The following HECTD4 variants were observed in gnomAD, a reference collection of about 807,000 sequenced individuals.
HECTD4 encodes the protein HECT domain E3 ubiquitin protein ligase 4, also known as probable E3 ubiquitin-protein ligase HECTD4.
HECTD4 carries 114 observed loss-of-function variants against 471.5 expected under a neutral mutation model. That is an observed-to-expected ratio of 0.24 (90% CI 0.21 to 0.28). The LOEUF (loss-of-function observed/expected upper bound fraction) is 0.28, where lower values mean the gene tolerates loss of function less well. Ranked by LOEUF, HECTD4 falls within the 10% of genes least tolerant of loss-of-function variation. The probability of loss-of-function intolerance (pLI) is 1.00; values close to 1 mark genes in which losing one functional copy is unlikely to be tolerated. For synonymous variants in HECTD4, 2,012 were observed against 2,256.0 expected, an observed-to-expected ratio of 0.89 and a Z score of 3.07; for missense variants, 3,866 against 5,651.5, an observed-to-expected ratio of 0.68 and a Z score of 10.13.
chr12:112,270,045 A>G (rs2034380148), intron 12 of HECTD4, among the ~76,000 whole-genome samples, 182 bp downstream of exon 12: 1 of 152,258 alleles, frequency 6.6e-6, no homozygotes, highest in African/African-American at 2.4e-5. Flanking sequence ...CGCTATGTAT[A>G]GCAATACTCC....
chr12:112,298,120 A>G (rs904908832), intron 7 of HECTD4, among the ~76,000 whole-genome samples: 23 of 152,172 alleles, frequency 1.5e-4, no homozygotes, highest in Admixed American at 4.6e-4. Context: ...ATGGAAGGAG[A>G]GGAGGCAAAG....
chr12:112,351,587 T>C (rs957720675), intron 1 of HECTD4, among the ~76,000 whole-genome samples: 1 of 152,216 alleles, frequency 6.6e-6, no homozygotes, highest in African/African-American at 2.4e-5. Context: ...CTATTCATAG[T>C]GGCTAAATAA....
At chr12:112,368,939 C>A (rs916670579) in intron 1 of HECTD4, among the ~76,000 whole-genome samples, 1 of 152,256 alleles carries the variant, frequency 6.6e-6, no homozygotes, top group Admixed American at 6.5e-5. Context: ...GGCTCTAAGT[C>A]CAAATAATCT....
chr12:112,174,913 G>A (rs2031378261), intron 66 of HECTD4, among the ~76,000 whole-genome samples: 1 of 152,188 alleles, frequency 6.6e-6, no homozygotes, highest in Non-Finnish European at 1.5e-5. Flanking sequence ...AGGGGCGTGT[G>A]TGTGTGTATG....
chr12:112,212,588 C>G lies in HECTD4; in HGVS notation c.7528G>C (p.Ala2510Pro), dbSNP rs1245935880. 1.2e-6 allele frequency: 2 copies of G among 1,613,926 alleles called. No homozygotes were observed. Among genetic ancestry groups the G allele is most frequent in the East Asian group, 4.5e-5 (2 of 44,880 alleles). The change falls in exon 49 of 76, where the codon GCC becomes CCC. Residue 2510 changes from alanine to proline, a missense_variant. Ala to Pro is a conservative substitution (Grantham distance 27). This residue lies in a region of HECTD4 where 617 missense variants were observed against 915.1 expected (regional missense o/e 0.67). Coordinates refer to ENST00000682272, the MANE Select transcript of HECTD4 (RefSeq NM_001388303.1). Reference sequence around the variant, plus strand: ...TATGTGAAGTACACCCGGCCCTTGGCTGGCTGTCCCGGAGGAGGTGGAGTC... The same window carrying G: ...TATGTGAAGTACACCCGGCCCTTGGGTGGCTGTCCCGGAGGAGGTGGAGTC... ...EGTPPPPGQP[A>P]KGRVYFTYCG...
chr12:112,321,058 G>A (rs1377706852), intron 1 of HECTD4, among the ~76,000 whole-genome samples: 1 of 152,042 alleles, frequency 6.6e-6, no homozygotes, highest in Non-Finnish European at 1.5e-5. Context: ...TGGCCAGGCT[G>A]GTCTTGAACT....
At chr12:112,198,121 C>T (rs1050931738) in intron 55 of HECTD4, among the ~76,000 whole-genome samples, 4 of 152,194 alleles carry the variant, frequency 2.6e-5, no homozygotes, top group South Asian at 2.1e-4. Context: ...AGGTGCAAGC[C>T]GCCGCACCCG....
chr12:112,364,400 C>G (rs1027568158), intron 1 of HECTD4, among the ~76,000 whole-genome samples: 11 of 148,016 alleles, frequency 7.4e-5, no homozygotes, highest in Non-Finnish European at 1.5e-4. Context: ...GAGCAAGACT[C>G]TCTCTCTCAA....
intron 8 of HECTD4, among the ~76,000 whole-genome samples, chr12:112,281,812 A>G (rs2034646003): frequency 6.6e-6 from 1 of 152,216 alleles, no homozygotes; most frequent in African/African-American, 2.4e-5. Flanking sequence ...AATTCATTAA[A>G]TGCATATTAA....
At position 112,179,194 on chromosome 12, in the gene HECTD4, G is replaced by A. The variant is rs758517525; in HGVS notation, c.11191C>T (p.Leu3731=). Residue 3731 remains leucine, a synonymous_variant, in exon 63 of 76, where the codon CTG becomes TTG. Coordinates refer to ENST00000682272, the MANE Select transcript of HECTD4 (RefSeq NM_001388303.1). The surrounding 1 kb of genome is among the most constrained non-coding windows in gnomAD (Gnocchi z 4.3). ...GCTACCTGGGTGAGCTGATCCTCCA[G>A]CACCTTTTTTGGCGGCCGGACATTG... is the stretch of plus-strand genomic sequence containing the variant. ...FTNVRPPKKV[L]EDQLTQILRK... 1 of 1,613,808 alleles carries A rather than the reference G, an allele frequency of 6.2e-7. No homozygotes were observed. The highest frequency in any genetic ancestry group is 1.1e-5 in the South Asian group (1 of 91,024).
At position 112,167,748 on chromosome 12, in the gene HECTD4, G is replaced by A. The variant is rs1217070775; in HGVS notation, c.12312+66C>T. 7.9e-6 allele frequency: 11 copies of A among 1,398,984 alleles called. No homozygotes were observed. Among genetic ancestry groups the A allele is most frequent in the East Asian group, 2.3e-5 (1 of 43,722 alleles). 86.7% of individuals were successfully genotyped at this position (1,398,984 alleles called of 1,614,324 possible). On this transcript the variant is annotated intron_variant, in intron 71 of 75. Transcript: ENST00000682272. ...GGCTTTGATGAGACACACACTGCCC[G>A]CCACCCCAGCCACTGCGCAGGACAT...
rs1389064964 is a variant in HECTD4, at chr12:112,319,403, A to T, written c.517T>A (p.Leu173Met). The T allele has an allele frequency of 8.5e-6, 13 of 1,536,174 alleles. No individual in the cohort carries two copies. Among genetic ancestry groups the T allele is most frequent in the Non-Finnish European group, 9.6e-6 (11 of 1,146,910 alleles). ...SLCNITAEVL[L>M]NCLRDCQPLS... The stretch of plus-strand genomic sequence containing the variant: ...GGCTGGCAGTCACGAAGGCAGTTCA[A>T]TAGCACCTCAGCAGTTATGTTACAG... The change falls in exon 2 of 76, where the codon TTG (leucine) becomes ATG (methionine). Residue 173 changes from leucine to methionine, a missense_variant. By Grantham distance (15) the Leu-to-Met change is conservative. This residue lies in a region of HECTD4 where 440 missense variants were observed against 636.0 expected (regional missense o/e 0.69). Transcript: ENST00000682272. This position sits in a 1 kb window ranked among gnomAD's most constrained non-coding sequence, Gnocchi z 5.3.
chr12:112,274,994 C>T lies in HECTD4; in HGVS notation c.1688-34G>A, dbSNP rs77416303. On this transcript the variant is annotated intron_variant, in intron 9 of 75. Coordinates refer to ENST00000682272, the MANE Select transcript of HECTD4 (RefSeq NM_001388303.1). ...ACAAACATTAAGCTGTTTAATGAGC[C>T]TGAAGATTATTTTTAAAGTTTAAAT... 5 of 1,220,594 alleles carry T rather than the reference C, an allele frequency of 4.1e-6. No homozygotes were observed. The East Asian group carries it at 1.3e-4, about 31-fold the overall frequency. 75.6% of individuals were successfully genotyped at this position (1,220,594 alleles called of 1,614,324 possible).
At chr12:112,313,181 T>G (rs2035404917) in intron 3 of HECTD4, 34 bp from the exon 4 acceptor site, 1 of 1,509,138 alleles carries the variant, frequency 6.6e-7, no homozygotes, top group Non-Finnish European at 8.8e-7. Context: ...ACAAAGACAC[T>G]GAGACAATCC....
At chr12:112,266,656 T>C (rs1298636896) in intron 14 of HECTD4, among the ~76,000 whole-genome samples, 2 of 152,238 alleles carry the variant, frequency 1.3e-5, no homozygotes, top group African/African-American at 4.8e-5. Flanking sequence ...TAATTGTTTT[T>C]ATTTTTTGTA....
At chr12:112,328,171 C>T (rs1225041969) in intron 1 of HECTD4, among the ~76,000 whole-genome samples, 2 of 151,120 alleles carry the variant, frequency 1.3e-5, no homozygotes, top group Non-Finnish European at 2.9e-5. Flanking sequence ...CAGGGTCTTG[C>T]CCTGTCATCC....
At chr12:112,296,425 G>T (rs976523648) in intron 7 of HECTD4, among the ~76,000 whole-genome samples, 6 of 151,804 alleles carry the variant, frequency 4.0e-5, no homozygotes, top group Non-Finnish European at 8.8e-5. Flanking sequence ...TAGGTGCAGA[G>T]GGTGTAGGTG....
chr12:112,234,970 G>T, intron 37 of HECTD4, 107 bp downstream of exon 37: 1 of 975,384 alleles, frequency 1.0e-6, no homozygotes, highest in South Asian at 1.7e-5. Flanking sequence ...TGAAAGGGGT[G>T]TAAAGAGGGC....
chr12:112,367,298 CAA>C (rs1007644715), intron 1 of HECTD4, among the ~76,000 whole-genome samples: 7 of 81,804 alleles, frequency 8.6e-5, no homozygotes, highest in Middle Eastern at 6.4e-3. Flanking sequence ...GACTTGGTCT[CAA>C]AAAAAAAAAG....
Sources: allele counts gnomAD v4.1 joint callset (sites outside exome capture counted in the v4.1 genomes callset), GRCh38; gene constraint gnomAD v4.1.1; regional missense constraint gnomAD v4.1.1; non-coding constraint Gnocchi (gnomAD v3.1); transcripts MANE v1.5; gene names NCBI Gene and HGNC (gene_info 2026-07-23, HGNC 2026-07-21).